RBM38: variants seen among roughly 807,000 people sequenced by gnomAD.
RBM38 encodes RNA-binding protein 38.
RBM38 carries 11 observed loss-of-function variants against 23.5 expected under a neutral mutation model. That is an observed-to-expected ratio of 0.47 (90% confidence interval 0.29 to 0.77). The LOEUF (loss-of-function observed/expected upper bound fraction) is 0.77, where lower values mean the gene tolerates loss of function less well. RBM38 is among the 30% of genes least tolerant of loss of function. The pLI, the probability that RBM38 is intolerant of heterozygous loss-of-function variation, is 0.08. For synonymous variants in RBM38, 165 were observed against 166.1 expected (o/e 0.99, Z 0.05); for missense variants, 330 against 351.9 (o/e 0.94, Z 0.50).
intron 3 of RBM38, among the ~76,000 whole-genome samples, chr20:57,401,036 A>G (rs902460684): frequency 3.3e-5 from 5 of 152,144 alleles, no homozygotes; most frequent in African/African-American, 7.2e-5. Context: ...AGCAGCCCTG[A>G]TGAGCATTGG....
At chr20:57,405,475 T>G (rs537913575) in intron 3 of RBM38, among the ~76,000 whole-genome samples, 1 of 152,346 alleles carries the variant, frequency 6.6e-6, no homozygotes, top group South Asian at 2.1e-4. Context: ...TGCCTGGGCC[T>G]CTGGACAGAT....
intron 3 of RBM38, among the ~76,000 whole-genome samples, chr20:57,397,941 G>A: frequency 6.6e-6 from 1 of 152,194 alleles, no homozygotes; most frequent in Admixed American, 6.5e-5. Context: ...TACAGTGGTG[G>A]GGAGATGTGT....
At chr20:57,392,531 C>CACAG in intron 1 of RBM38, 123 bp from the exon 2 acceptor site, 1 of 1,519,316 alleles carries the variant, frequency 6.6e-7, no homozygotes. Context: ...GACCCTGGGT[C>CACAG]ACAGGCACCC....
In RBM38 at chr20:57,407,059, G is replaced by A. The variant is rs959647021; in HGVS notation, c.417-484G>A. Among the ~76,000 whole-genome samples, 1 of 151,700 alleles carries A rather than the reference G, an allele frequency of 6.6e-6. No individual in the cohort carries two copies. Among genetic ancestry groups the A allele is most frequent in the African/African-American group, 2.4e-5 (1 of 41,284 alleles). ...TGGCTGGGAGAGCAGGCGTGTACATGAGCCAAGTGTGCAGTGTCACTTGGT... is the reference window on the plus strand; with the variant it reads ...TGGCTGGGAGAGCAGGCGTGTACATAAGCCAAGTGTGCAGTGTCACTTGGT... On this transcript the variant is annotated intron_variant, in intron 3 of 3. Coordinates refer to ENST00000356208, the MANE Select transcript of RBM38 (RefSeq NM_017495.6). This position sits in a 1 kb window ranked among gnomAD's most constrained non-coding sequence, Gnocchi z 4.0.
intron 3 of RBM38, among the ~76,000 whole-genome samples, chr20:57,395,727 G>C (rs1011619951): frequency 6.6e-6 from 1 of 152,196 alleles, no homozygotes; most frequent in Admixed American, 6.5e-5. Flanking sequence ...GCCTGGGTCA[G>C]CTGTCTGCCC....
chr20:57,408,445 G>A lies in RBM38; in HGVS notation c.*599G>A, dbSNP rs1490745329. 1 of 152,820 alleles carries A rather than the reference G, an allele frequency of 6.5e-6. No homozygotes were observed. Among genetic ancestry groups the A allele is most frequent in the Non-Finnish European group, 1.5e-5 (1 of 68,470 alleles). 9.5% of individuals were successfully genotyped at this position (152,820 alleles called of 1,614,324 possible). On this transcript the variant is annotated 3_prime_UTR_variant, in exon 4 of 4. Coordinates refer to ENST00000356208, the MANE Select transcript of RBM38 (RefSeq NM_017495.6). ...GGCGCACAGGGGCCGCCGGTAACAG[G>A]GGCCGCCGGCCAAAGGCCCCTTTCC...
chr20:57,392,024 A>ACCACCCCAGGCCCCGGCCCCCC (rs1260002923), intron 1 of RBM38, among the ~76,000 whole-genome samples: 10 of 10,528 alleles, frequency 9.5e-4, no homozygotes, highest in African/African-American at 1.6e-3. Flanking sequence ...CCCCACCCCC[A>ACCACCCCAGGCCCCGGCCCCCC]CCCCCACCCC....
rs1279628264 is a variant in RBM38, at chr20:57,398,041, G to A, written c.416+4708G>A. ...TGTGTAGAAGATGATGCAGCGTGCT[G>A]AAGGCCTGCAGTCCAGGTCATAGCA... On this transcript the variant is annotated intron_variant, in intron 3 of 3. Transcript: ENST00000356208. Among the ~76,000 whole-genome samples, 3 of 152,216 alleles carry A rather than the reference G, an allele frequency of 2.0e-5. No individual in the cohort carries two copies. The East Asian group carries it at 5.8e-4, about 29-fold the overall frequency.
rs2067214481 is a variant in RBM38, at chr20:57,391,577, C to T, written c.-5C>T. 5 of 1,176,888 alleles carry T rather than the reference C, an allele frequency of 4.2e-6. No homozygotes were observed. Among genetic ancestry groups the T allele is most frequent in the Non-Finnish European group, 5.3e-6 (5 of 943,002 alleles). The allele number at this position is 1,176,888 out of a possible 1,614,324, so 72.9% of individuals were successfully genotyped here. A position where few individuals can be genotyped will look rare whatever the true frequency, so the allele number is the denominator to read the frequency against. On this transcript the variant is annotated 5_prime_UTR_variant, in exon 1 of 4. Transcript: ENST00000356208. Reference sequence around the variant, plus strand: ...CCCGGGTCCGTAGGCGGCGGGGCGCCCCCCATGCTGCTGCAGCCCGCGCCG... The same window carrying T: ...CCCGGGTCCGTAGGCGGCGGGGCGCTCCCCATGCTGCTGCAGCCCGCGCCG...
At chr20:57,392,800 C>G in intron 2 of RBM38, 23 bp downstream of exon 2, 2 of 1,608,472 alleles carry the variant, frequency 1.2e-6, no homozygotes, top group Non-Finnish European at 8.5e-7. Context: ...GTTTTCCTGC[C>G]TGGCTCTTCT....
intron 3 of RBM38, among the ~76,000 whole-genome samples, chr20:57,397,017 A>G (rs1028991075): frequency 4.6e-5 from 7 of 152,214 alleles, no homozygotes; most frequent in Non-Finnish European, 1.5e-5. Flanking sequence ...ATGAGAAGAC[A>G]GGCTCCTCGG....
At chr20:57,398,811 T>G (rs2067300408) in intron 3 of RBM38, among the ~76,000 whole-genome samples, 1 of 152,236 alleles carries the variant, frequency 6.6e-6, no homozygotes, top group African/African-American at 2.4e-5. Flanking sequence ...GATCACAGAC[T>G]GAGTGGAGGC....
At chr20:57,402,420 C>G (rs980858121) in intron 3 of RBM38, among the ~76,000 whole-genome samples, 2 of 152,206 alleles carry the variant, frequency 1.3e-5, no homozygotes, top group African/African-American at 2.4e-5. Flanking sequence ...TGGGCATAGG[C>G]TGCAGTGGGG....
At position 57,407,152 on chromosome 20, in the gene RBM38, G is replaced by T. The variant is rs1206474280; in HGVS notation, c.417-391G>T. 2.0e-5 allele frequency among the ~76,000 whole-genome samples: 3 copies of T among 152,202 alleles called. No individual in the cohort carries two copies. ...GCTGGCCTCCCAGACATGCAACCAG[G>T]ACATTCGTACCGGGCCCTGCTCTTG... On this transcript the variant is annotated intron_variant, in intron 3 of 3. Transcript: ENST00000356208. This position sits in a 1 kb window ranked among gnomAD's most constrained non-coding sequence, Gnocchi z 4.0.
At chr20:57,399,832 A>G (rs1383806153) in intron 3 of RBM38, 1 of 454,884 alleles carries the variant, frequency 2.2e-6, no homozygotes, top group Non-Finnish European at 4.4e-6. Context: ...TCAGAACCCT[A>G]AGAGCTGCGG....
At position 57,392,396 on chromosome 20, in the gene RBM38, G is replaced by A. The variant is rs1241415174; in HGVS notation, c.238-258G>A. ...GGTTCATTTTTGCCCTATCCCCGCA[G>A]GGGATTATTTTTGTCCTTGAAGGCC... On this transcript the variant is annotated intron_variant, in intron 1 of 3. Transcript: ENST00000356208. The A allele has an allele frequency of 4.0e-6, 6 of 1,515,254 alleles. No homozygotes were observed. In the Admixed American group the frequency reaches 6.0e-5, roughly 15 times the overall value. The allele number at this position is 1,515,254 out of a possible 1,614,324, so 93.9% of individuals were successfully genotyped here.
rs777812060 is a variant in RBM38 at position 57,407,918 on chromosome 20, C to G, written c.*72C>G. On this transcript the variant is annotated 3_prime_UTR_variant, in exon 4 of 4. Coordinates refer to ENST00000356208, the MANE Select transcript of RBM38 (RefSeq NM_017495.6). The surrounding 1 kb of genome is among the most constrained non-coding windows in gnomAD (Gnocchi z 4.0). Reference sequence around the variant, plus strand: ...GACAGAGCTGCCAGGCCATGATGGGCTGGCGACAGCCCGGCTGAGCTTCAG... The same window carrying G: ...GACAGAGCTGCCAGGCCATGATGGGGTGGCGACAGCCCGGCTGAGCTTCAG... 8 of 1,480,974 alleles carry G rather than the reference C, an allele frequency of 5.4e-6. No homozygotes were observed. Among genetic ancestry groups the G allele is most frequent in the Non-Finnish European group, 7.2e-6 (8 of 1,113,366 alleles). 91.7% of individuals were successfully genotyped at this position (1,480,974 alleles called of 1,614,324 possible).
chr20:57,407,797 C>T lies in RBM38; in HGVS notation c.671C>T (p.Thr224Ile), dbSNP rs779603862. The change falls in exon 4 of 4, where the codon ACT becomes ATT. Residue 224 changes from threonine to isoleucine, a missense_variant. Physicochemically the swap from Thr to Ile is moderately conservative, Grantham distance 89. Around this residue, in one of 3 missense-constraint regions of RBM38, gnomAD observed 227 missense variants for 216.4 expected, o/e 1.05. Coordinates refer to ENST00000356208, the MANE Select transcript of RBM38 (RefSeq NM_017495.6). This position sits in a 1 kb window ranked among gnomAD's most constrained non-coding sequence, Gnocchi z 4.0. ...ALSAAAPAGT[T>I]FVQYQAPQLQ... ...TCAGCCGCAGCACCCGCGGGCACCA[C>T]TTTCGTGCAGTACCAGGCGCCGCAG... 3.7e-6 allele frequency: 6 copies of T among 1,600,140 alleles called. No individual in the cohort carries two copies. The highest frequency in any genetic ancestry group is 4.3e-6 in the Non-Finnish European group (5 of 1,175,500).
In RBM38 at chr20:57,391,831, C is replaced by T. The variant is rs1362207097; in HGVS notation, c.237+13C>T. The T allele has an allele frequency of 6.6e-7, 1 of 1,526,626 alleles. No individual in the cohort carries two copies. The highest frequency in any genetic ancestry group is 1.2e-5 in the South Asian group (1 of 83,494). 94.6% of individuals were successfully genotyped at this position (1,526,626 alleles called of 1,614,324 possible). On this transcript the variant is annotated intron_variant, in intron 1 of 3. Transcript: ENST00000356208. ...CGGCTACGGCTTCGTAAGTGGCCCCCGCGCCCGGGCCCGCACCCCGCCGCA... is the reference window on the plus strand; with the variant it reads ...CGGCTACGGCTTCGTAAGTGGCCCCTGCGCCCGGGCCCGCACCCCGCCGCA...
Sources: allele counts gnomAD v4.1 joint callset (sites outside exome capture counted in the v4.1 genomes callset), GRCh38; gene constraint gnomAD v4.1.1; regional missense constraint gnomAD v4.1.1; non-coding constraint Gnocchi (gnomAD v3.1); transcripts MANE v1.5; gene names NCBI Gene and HGNC (gene_info 2026-07-23, HGNC 2026-07-21).